CSMD1: variants seen among roughly 807,000 people sequenced by gnomAD.
CSMD1 encodes CUB and Sushi multiple domains 1, also known as CUB and sushi domain-containing protein 1.
CSMD1 carries 213 observed loss-of-function variants against 417.5 expected under a neutral mutation model. That is an observed-to-expected ratio of 0.51 (90% CI 0.46 to 0.57). The LOEUF is 0.57. CSMD1 is among the 20% of genes least tolerant of loss of function. The pLI is 0.00. For synonymous variants in CSMD1, 2,862 were observed against 1,736.8 expected, an observed-to-expected ratio of 1.65 and a Z score of -16.11; for missense variants, 6,923 against 4,529.7, an observed-to-expected ratio of 1.53 and a Z score of -15.17.
rs76788184 is a variant in CSMD1 at position 4,463,974 on chromosome 8, T to C, written c.303-43909A>G. ...CAGAGCGCAATATGGGATATTGAAATTCCATTTAGCTATAAGTCTCATTTC... is the reference window on the plus strand; with the variant it reads ...CAGAGCGCAATATGGGATATTGAAACTCCATTTAGCTATAAGTCTCATTTC... On this transcript the variant is annotated intron_variant, in intron 2 of 69. Coordinates refer to ENST00000635120, the MANE Select transcript of CSMD1 (RefSeq NM_033225.6). 9.1e-3 allele frequency among the ~76,000 whole-genome samples: 1,384 copies of C among 152,262 alleles called. 19 individuals are homozygous for C. Among genetic ancestry groups the C allele is most frequent in the African/African-American group, 0.031 (1,286 of 41,564 alleles).
chr8:3,416,356 G>A (rs1421403892), intron 12 of CSMD1, among the ~76,000 whole-genome samples: 4 of 149,864 alleles, frequency 2.7e-5, no homozygotes, highest in Non-Finnish European at 5.9e-5. Context: ...TAGAAAACTG[G>A]CCCTTTAACA....
chr8:4,016,724 C>G (rs751546653), intron 4 of CSMD1, among the ~76,000 whole-genome samples: 1 of 152,182 alleles, frequency 6.6e-6, no homozygotes, highest in Non-Finnish European at 1.5e-5. Flanking sequence ...TAGGAAGACC[C>G]TATAGCCAAA....
intron 15 of CSMD1, among the ~76,000 whole-genome samples, chr8:3,403,024 T>G (rs560509007): frequency 6.6e-6 from 1 of 152,322 alleles, no homozygotes; most frequent in Admixed American, 6.5e-5. Flanking sequence ...AGTTTCTCTT[T>G]AATGTAAAAT....
chr8:3,188,736 A>C, intron 35 of CSMD1, 151 bp downstream of exon 35: 5 of 509,296 alleles, frequency 9.8e-6, no homozygotes, highest in Non-Finnish European at 1.6e-5. Context: ...AACAGAGTAT[A>C]GTCTATGTAT....
At chr8:3,617,255 T>G (rs1481555903) in intron 7 of CSMD1, among the ~76,000 whole-genome samples, 1 of 152,194 alleles carries the variant, frequency 6.6e-6, no homozygotes, top group Non-Finnish European at 1.5e-5. Flanking sequence ...TTTTAAACAT[T>G]GAAGTGCTTA....
At chr8:3,845,572 G>C (rs145769066) in intron 5 of CSMD1, among the ~76,000 whole-genome samples, 76 of 152,248 alleles carry the variant, frequency 5.0e-4, no homozygotes, top group African/African-American at 1.6e-3. Context: ...GAGTGATTAT[G>C]AAGGCCTAGG....
At chr8:4,230,280 T>G (rs1469516858) in intron 3 of CSMD1, among the ~76,000 whole-genome samples, 1 of 152,192 alleles carries the variant, frequency 6.6e-6, no homozygotes, top group Non-Finnish European at 1.5e-5. Context: ...TATTCTAGAT[T>G]TATATTAAAA....
chr8:4,065,833 T>C (rs1231998378), intron 3 of CSMD1, among the ~76,000 whole-genome samples: 3 of 152,212 alleles, frequency 2.0e-5, no homozygotes, highest in South Asian at 4.1e-4. Flanking sequence ...TTTTTTGGAA[T>C]ATATTTTAAA....
chr8:3,764,554 G>C (rs1798167816), intron 5 of CSMD1, among the ~76,000 whole-genome samples: 1 of 152,044 alleles, frequency 6.6e-6, no homozygotes, highest in Non-Finnish European at 1.5e-5. Context: ...AGTACAGGTT[G>C]CTGTGAGTGT....
intron 12 of CSMD1, among the ~76,000 whole-genome samples, chr8:3,437,952 G>C (rs1814682840): frequency 6.6e-6 from 1 of 151,988 alleles, no homozygotes; most frequent in Non-Finnish European, 1.5e-5. Flanking sequence ...TGTTGGCCAG[G>C]CTCATCTCGA....
At position 4,527,254 on chromosome 8, in the gene CSMD1, G is replaced by A. The variant is rs73496701; in HGVS notation, c.303-107189C>T. 7.9e-3 allele frequency among the ~76,000 whole-genome samples: 1,196 copies of A among 152,208 alleles called. 17 individuals are homozygous for A. Among genetic ancestry groups the A allele is most frequent in the African/African-American group, 0.027 (1,141 of 41,520 alleles). ...GTAATTACATCAAACATTAGCATTA[G>A]GAGTCTTTTTTGTAGCATTTATATG... On this transcript the variant is annotated intron_variant, in intron 2 of 69. Coordinates refer to ENST00000635120, the MANE Select transcript of CSMD1 (RefSeq NM_033225.6).
At chr8:4,091,008 T>C (rs970824263) in intron 3 of CSMD1, among the ~76,000 whole-genome samples, 1 of 150,912 alleles carries the variant, frequency 6.6e-6, no homozygotes, top group African/African-American at 2.4e-5. Context: ...AACCTCCACC[T>C]CCTGGGTTCA....
At chr8:3,650,541 T>C (rs1324110336) in intron 7 of CSMD1, among the ~76,000 whole-genome samples, 1 of 152,176 alleles carries the variant, frequency 6.6e-6, no homozygotes, top group African/African-American at 2.4e-5. Context: ...GCTCCTTTCC[T>C]TGAATCTGTT....
chr8:4,966,990 T>C (rs115409637), intron 1 of CSMD1, among the ~76,000 whole-genome samples: 2,662 of 152,298 alleles, frequency 0.017, 88 homozygotes, highest in African/African-American at 0.061. Context: ...CTTTATGTCA[T>C]TTTGTACTTC....
chr8:4,408,144 T>A lies in CSMD1; in HGVS notation c.415+11809A>T, dbSNP rs924361015. On this transcript the variant is annotated intron_variant, in intron 3 of 69. Coordinates refer to ENST00000635120, the MANE Select transcript of CSMD1 (RefSeq NM_033225.6). ...ACAAAATGGAAACTTCGAGTACACA[T>A]GTGATTTAAATGACTACCAAAGCTT... 5.3e-5 allele frequency among the ~76,000 whole-genome samples: 8 copies of A among 152,326 alleles called. No individual in the cohort carries two copies. The East Asian group carries it at 1.5e-3, about 29-fold the overall frequency.
chr8:4,434,649 A>G (rs959517106), intron 2 of CSMD1, among the ~76,000 whole-genome samples: 10 of 152,192 alleles, frequency 6.6e-5, no homozygotes, highest in Non-Finnish European at 8.8e-5. Context: ...CTGGGAAGAC[A>G]TATCACAAAC....
At chr8:3,827,875 G>C (rs561465504) in intron 5 of CSMD1, among the ~76,000 whole-genome samples, 1 of 152,162 alleles carries the variant, frequency 6.6e-6, no homozygotes, top group Non-Finnish European at 1.5e-5. Context: ...TTCTGATGAA[G>C]TTTCATCCCC....
chr8:4,536,076 C>A (rs1441483323), intron 2 of CSMD1, among the ~76,000 whole-genome samples: 1 of 152,118 alleles, frequency 6.6e-6, no homozygotes, highest in East Asian at 1.9e-4. Context: ...ATAGGGCGTG[C>A]CCCACTAAGT....
At chr8:3,882,671 C>G (rs1031540921) in intron 5 of CSMD1, among the ~76,000 whole-genome samples, 1 of 152,038 alleles carries the variant, frequency 6.6e-6, no homozygotes, top group Non-Finnish European at 1.5e-5. Context: ...GGTATGTTCA[C>G]AAAACAAAAT....
Sources: gnomAD v4.1 joint callset for allele counts (sites outside exome capture counted in the v4.1 genomes callset) on GRCh38, gnomAD v4.1.1 for gene constraint, MANE v1.5 for transcripts, NCBI Gene and HGNC (gene_info 2026-07-23, HGNC 2026-07-21) for gene names.